Variants in DNER observed in about 807,000 individuals in gnomAD.
DNER encodes delta/notch like EGF repeat containing.
In DNER, 33 loss-of-function variants were observed where a neutral mutation model predicts 78.2. That is an observed-to-expected ratio of 0.42 (90% CI 0.32 to 0.56). The LOEUF is 0.56. DNER is among the 20% of genes least tolerant of loss of function. DNER has a pLI of 0.11. For synonymous variants in DNER, 417 were observed against 384.8 expected (o/e 1.08, Z -0.98); for missense variants, 918 against 975.3 (o/e 0.94, Z 0.78).
intron 1 of DNER, among the ~76,000 whole-genome samples, chr2:229,692,285 T>C (rs185845875): frequency 6.6e-6 from 1 of 152,334 alleles, no homozygotes; most frequent in Non-Finnish European, 1.5e-5. Flanking sequence ...AAATTAGATA[T>C]CACTTGATTG....
At chr2:229,531,158 T>C (rs2154212821) in intron 5 of DNER, among the ~76,000 whole-genome samples, 1 of 152,322 alleles carries the variant, frequency 6.6e-6, no homozygotes, top group Middle Eastern at 3.4e-3. Flanking sequence ...AGCTCTGCCC[T>C]AGCCTAGGCC....
chr2:229,516,688 G>A (rs2154212437), intron 5 of DNER, among the ~76,000 whole-genome samples: 1 of 151,614 alleles, frequency 6.6e-6, no homozygotes, highest in African/African-American at 2.4e-5. Context: ...GGGAAGCTGA[G>A]GGAAGACGAC....
intron 1 of DNER, among the ~76,000 whole-genome samples, chr2:229,604,028 G>T (rs1697886332): frequency 1.3e-5 from 2 of 152,126 alleles, no homozygotes; most frequent in Non-Finnish European, 1.5e-5. Flanking sequence ...GGGACCAGGA[G>T]GGCCAGCAGA....
chr2:229,511,358 G>A (rs1246694616), intron 6 of DNER, among the ~76,000 whole-genome samples: 1 of 152,176 alleles, frequency 6.6e-6, no homozygotes, highest in African/African-American at 2.4e-5. Flanking sequence ...ACGTTCCCTG[G>A]TAAAATGCCA....
intron 1 of DNER, 42 bp downstream of exon 1, chr2:229,714,106 C>A: frequency 7.9e-7 from 1 of 1,260,444 alleles, no homozygotes; most frequent in South Asian, 2.8e-5. Context: ...GGCTGCTGGT[C>A]CCGGACCAGC....
rs527539548 is a variant in DNER at position 229,609,745 on chromosome 2, G to T, written c.277-17857C>A. Reference sequence around the variant, plus strand: ...GTCACACATTGCTGCTTATGTGTATGACCCAATGCAGGAAAAGGCAAGGAC... The same window carrying T: ...GTCACACATTGCTGCTTATGTGTATTACCCAATGCAGGAAAAGGCAAGGAC... On this transcript the variant is annotated intron_variant, in intron 1 of 12. Coordinates refer to ENST00000341772, the MANE Select transcript of DNER (RefSeq NM_139072.4). Among the ~76,000 whole-genome samples the T allele has an allele frequency of 2.6e-5, 4 of 152,322 alleles. No homozygotes were observed. The South Asian group carries it at 8.3e-4, about 32-fold the overall frequency.
chr2:229,454,872 T>G (rs1559356161), intron 7 of DNER, among the ~76,000 whole-genome samples: 1 of 152,050 alleles, frequency 6.6e-6, no homozygotes, highest in African/African-American at 2.4e-5. Context: ...TATTATACAG[T>G]CTAAAAAAAG....
At chr2:229,387,509 G>GAGAGAGAGAGAA (rs1286340836) in intron 11 of DNER, among the ~76,000 whole-genome samples, 1 of 76,128 alleles carries the variant, frequency 1.3e-5, no homozygotes, top group African/African-American at 4.6e-5. Context: ...GAAAGAAAGA[G>GAGAGAGAGAGAA]AGAAAGAAAG....
Position 229,592,736 on chromosome 2 carries a change from G to C in DNER, c.277-848C>G, listed in dbSNP as rs144033573. Reference sequence around the variant, plus strand: ...CCTGCTCCTCTTCAGATAGCGCAAGGGTTCAGTCATGTTCTCAGCACCTGT... The same window carrying C: ...CCTGCTCCTCTTCAGATAGCGCAAGCGTTCAGTCATGTTCTCAGCACCTGT... On this transcript the variant is annotated intron_variant, in intron 1 of 12. Transcript: ENST00000341772. Among the ~76,000 whole-genome samples the C allele has an allele frequency of 8.5e-3, 1,297 of 152,232 alleles. 10 individuals are homozygous for C. The highest frequency in any genetic ancestry group is 0.014 in the Non-Finnish European group (974 of 68,020).
At chr2:229,596,956 C>T (rs142678939) in intron 1 of DNER, among the ~76,000 whole-genome samples, 9 of 152,108 alleles carry the variant, frequency 5.9e-5, no homozygotes, top group South Asian at 2.1e-4. Context: ...TGCACATGCA[C>T]GCATATACAT....
At chr2:229,359,500 C>T (rs1344007177) in intron 12 of DNER, among the ~76,000 whole-genome samples, 1 of 152,204 alleles carries the variant, frequency 6.6e-6, no homozygotes, top group East Asian at 1.9e-4. Context: ...TTCAAACGAT[C>T]TTCCACACTA....
At chr2:229,472,572 A>G (rs1001727011) in intron 7 of DNER, among the ~76,000 whole-genome samples, 9 of 152,202 alleles carry the variant, frequency 5.9e-5, no homozygotes. Context: ...TTAAATACCA[A>G]TATGCAGTAA....
chr2:229,583,748 T>A (rs897243020), intron 4 of DNER, among the ~76,000 whole-genome samples: 25 of 152,214 alleles, frequency 1.6e-4, no homozygotes, highest in African/African-American at 5.3e-4. Flanking sequence ...GATATGGAAG[T>A]AAATAACAGT....
intron 8 of DNER, among the ~76,000 whole-genome samples, chr2:229,425,340 C>T (rs921328921): frequency 1.3e-5 from 2 of 152,136 alleles, no homozygotes; most frequent in Non-Finnish European, 2.9e-5. Context: ...CCCTATGAAG[C>T]CTCCAGCCAC....
At chr2:229,564,112 C>A (rs1337529082) in intron 4 of DNER, among the ~76,000 whole-genome samples, 7 of 140,760 alleles carry the variant, frequency 5.0e-5, no homozygotes, top group Non-Finnish European at 4.6e-5. Flanking sequence ...ACATCATCAC[C>A]CCATCACCAT....
chr2:229,458,503 C>T (rs1056959148), intron 7 of DNER, among the ~76,000 whole-genome samples: 5 of 151,864 alleles, frequency 3.3e-5, no homozygotes, highest in Non-Finnish European at 5.9e-5. Flanking sequence ...TTCATGTGCA[C>T]ATGAAATAAG....
intron 7 of DNER, among the ~76,000 whole-genome samples, chr2:229,456,761 C>G (rs888806366): frequency 5.3e-5 from 8 of 152,080 alleles, no homozygotes; most frequent in African/African-American, 1.7e-4. Flanking sequence ...CTAGACCACA[C>G]AGATGATGAC....
chr2:229,360,081 T>C (rs1429475571), intron 12 of DNER, among the ~76,000 whole-genome samples: 2 of 152,238 alleles, frequency 1.3e-5, no homozygotes, highest in Non-Finnish European at 2.9e-5. Context: ...GAGGCCTGCA[T>C]AATCTAAGGA....
chr2:229,554,490 G>A (rs543577918), intron 4 of DNER, among the ~76,000 whole-genome samples: 2 of 152,090 alleles, frequency 1.3e-5, no homozygotes, highest in Non-Finnish European at 2.9e-5. Context: ...GCAGGAGTCC[G>A]AGACCAGCCT....
Sources: allele counts gnomAD v4.1 joint callset (sites outside exome capture counted in the v4.1 genomes callset), GRCh38; gene constraint gnomAD v4.1.1; transcripts MANE v1.5; gene names NCBI Gene and HGNC (gene_info 2026-07-23, HGNC 2026-07-21).